Variants in TBL1X observed in about 807,000 individuals in gnomAD.
TBL1X encodes transducin beta like 1 X-linked.
TBL1X carries 10 observed loss-of-function variants against 50.7 expected under a neutral mutation model. The ratio of observed to expected loss-of-function variants is 0.20; its 90% CI spans 0.12 to 0.33. TBL1X has a LOEUF of 0.33. TBL1X is among the 10% of genes least tolerant of loss of function. The pLI, the probability that TBL1X is intolerant of heterozygous loss-of-function variation, is 1.00. For missense variants in TBL1X, 340 were observed against 504.4 expected (o/e 0.67, Z 3.12); for synonymous variants, 190 against 214.7 (o/e 0.88, Z 1.01).
chrX:9,514,519 G>A (rs1276763128), intron 2 of TBL1X, among the ~76,000 whole-genome samples: 1 of 112,038 alleles, frequency 8.9e-6, no homozygotes, highest in East Asian at 2.8e-4. Context: ...AGCCCCAGGA[G>A]GGTTCCCCAG....
intron 2 of TBL1X, among the ~76,000 whole-genome samples, chrX:9,552,318 C>T (rs775233997): frequency 3.8e-4 from 42 of 111,503 alleles, no homozygotes; most frequent in Non-Finnish European, 7.5e-5. Flanking sequence ...GATCATCCAC[C>T]ATCAGTCTAT....
intron 1 of TBL1X, among the ~76,000 whole-genome samples, chrX:9,477,284 AT>A (rs1302584198): frequency 8.9e-6 from 1 of 112,212 alleles, no homozygotes; most frequent in Non-Finnish European, 1.9e-5. Flanking sequence ...GTAGTTTGCT[AT>A]CTAAGAGTAA....
intron 12 of TBL1X, among the ~76,000 whole-genome samples, chrX:9,699,822 G>A (rs192870135): frequency 0.02 from 2,190 of 111,926 alleles, 24 homozygotes; most frequent in Non-Finnish European, 0.032. Flanking sequence ...CCTGGAGAGG[G>A]AGAGCCACTC....
chrX:9,482,834 C>A (rs1216694915), intron 1 of TBL1X, among the ~76,000 whole-genome samples: 1 of 111,414 alleles, frequency 9.0e-6, no homozygotes, highest in Non-Finnish European at 1.9e-5. Context: ...AGCTAATCCA[C>A]CCCCCATCTT....
At chrX:9,644,415 G>A (rs1353993666) in intron 3 of TBL1X, among the ~76,000 whole-genome samples, 1 of 111,521 alleles carries the variant, frequency 9.0e-6, no homozygotes, top group Non-Finnish European at 1.9e-5. Context: ...AAGGGAGGCA[G>A]TGCTCTTTTT....
chrX:9,700,014 C>G (rs1332826305), intron 12 of TBL1X, among the ~76,000 whole-genome samples: 2 of 112,528 alleles, frequency 1.8e-5, no homozygotes, highest in African/African-American at 6.5e-5. Flanking sequence ...CAAAGGGAAA[C>G]CCTGTACCCA....
intron 2 of TBL1X, among the ~76,000 whole-genome samples, chrX:9,510,518 G>T (rs1239640181): frequency 1.2e-5 from 1 of 86,939 alleles, no homozygotes; most frequent in African/African-American, 4.0e-5. Context: ...TGTGGCCCAC[G>T]GGGCCGTGTC....
chrX:9,550,716 A>C (rs2082266732), intron 2 of TBL1X, among the ~76,000 whole-genome samples: 1 of 112,247 alleles, frequency 8.9e-6, no homozygotes, highest in Non-Finnish European at 1.9e-5. Flanking sequence ...TAATCTGGGA[A>C]AGTAGATTGT....
intron 2 of TBL1X, among the ~76,000 whole-genome samples, chrX:9,623,389 C>G (rs767537406): frequency 8.1e-5 from 9 of 111,342 alleles, no homozygotes; most frequent in Non-Finnish European, 1.7e-4. Flanking sequence ...TATGGCCCTT[C>G]GAGAACAAAT....
intron 6 of TBL1X, among the ~76,000 whole-genome samples, chrX:9,685,509 C>T (rs956738509): frequency 4.5e-5 from 5 of 110,244 alleles, no homozygotes; most frequent in East Asian, 2.9e-4. Flanking sequence ...CTGACCCAGG[C>T]GCGTGATTCT....
intron 2 of TBL1X, among the ~76,000 whole-genome samples, chrX:9,520,124 C>T (rs1437423271): frequency 8.9e-6 from 1 of 111,874 alleles, no homozygotes; most frequent in Non-Finnish European, 1.9e-5. Flanking sequence ...CCCCTGGTTT[C>T]CATTACTTGC....
intron 2 of TBL1X, among the ~76,000 whole-genome samples, chrX:9,634,129 C>G (rs990943562): frequency 9.0e-6 from 1 of 111,698 alleles, no homozygotes; most frequent in Non-Finnish European, 1.9e-5. Flanking sequence ...TTTGCACTCA[C>G]GACGCACAAT....
chrX:9,543,022 C>G lies in TBL1X; in HGVS notation c.-131+41173C>G, dbSNP rs1027110313. Among the ~76,000 whole-genome samples the G allele has an allele frequency of 3.6e-5, 4 of 112,243 alleles. No homozygotes were observed. In the Admixed American group the frequency reaches 3.8e-4, roughly 11 times the overall value. On this transcript the variant is annotated intron_variant, in intron 2 of 17. Coordinates refer to ENST00000645353, the MANE Select transcript of TBL1X (RefSeq NM_005647.4). ...GTGTTTTCAAAACACCTTCATGTCA[C>G]CTGCCCCGGACTCCTCCCTGTGAGC...
chrX:9,617,547 C>A (rs2082645225), intron 2 of TBL1X, among the ~76,000 whole-genome samples: 1 of 112,060 alleles, frequency 8.9e-6, no homozygotes, highest in Non-Finnish European at 1.9e-5. Context: ...TATTCTAGTT[C>A]AATTTAGGAG....
chrX:9,528,944 T>C (rs2082146276), intron 2 of TBL1X, among the ~76,000 whole-genome samples: 1 of 111,785 alleles, frequency 8.9e-6, no homozygotes, highest in Non-Finnish European at 1.9e-5. Context: ...CACACTGCTA[T>C]ATCCGCGACA....
chrX:9,626,007 C>T (rs1022326340), intron 2 of TBL1X, among the ~76,000 whole-genome samples: 4 of 111,688 alleles, frequency 3.6e-5, no homozygotes, highest in Non-Finnish European at 5.6e-5. Flanking sequence ...TAGGGTCAGA[C>T]GACCTGGGAT....
intron 2 of TBL1X, among the ~76,000 whole-genome samples, chrX:9,600,828 C>T (rs1474547918): frequency 2.7e-5 from 3 of 112,083 alleles, no homozygotes; most frequent in Non-Finnish European, 5.6e-5. Context: ...AACCCTGTGT[C>T]ATGGGAGCAG....
At chrX:9,465,478 C>T (rs966551193) in intron 1 of TBL1X, 31 bp downstream of exon 1, 15 of 111,414 alleles carry the variant, frequency 1.3e-4, no homozygotes, top group African/African-American at 4.9e-4. Flanking sequence ...GGGCCGGGCG[C>T]GGGGTCCGCA....
chrX:9,683,841 G>A, intron 5 of TBL1X: 2 of 497,423 alleles, frequency 4.0e-6, no homozygotes, highest in Admixed American at 3.1e-5. Context: ...GTCTTCCTGG[G>A]TCTGAAGTCC....
Sources: gnomAD v4.1 joint callset for allele counts (sites outside exome capture counted in the v4.1 genomes callset) on GRCh38, gnomAD v4.1.1 for gene constraint, MANE v1.5 for transcripts, NCBI Gene and HGNC (gene_info 2026-07-23, HGNC 2026-07-21) for gene names.